Variants in ARHGAP44 observed in about 807,000 individuals in gnomAD.
ARHGAP44 encodes the protein rho GTPase-activating protein 44.
A neutral mutation model predicts 106.8 loss-of-function variants in ARHGAP44; 43 were observed. The ratio of observed to expected loss-of-function variants is 0.40; its 90% CI spans 0.32 to 0.52. The LOEUF is 0.52. Ranked by LOEUF, ARHGAP44 falls within the 20% of genes least tolerant of loss-of-function variation. The pLI, the probability that ARHGAP44 is intolerant of heterozygous loss-of-function variation, is 0.48. For missense variants in ARHGAP44, 866 were observed against 1,050.5 expected (o/e 0.82, Z 2.43); for synonymous variants, 439 against 410.3 (o/e 1.07, Z -0.85).
In ARHGAP44 at chr17:12,982,358, G is replaced by C. The variant is rs560301816; in HGVS notation, c.1939+2125G>C. On this transcript the variant is annotated intron_variant, in intron 19 of 20. Transcript: ENST00000379672. ...TGACACCTCAGTCTTCTGACAGCGT[G>C]CCGACAATTTCACATCCTATTCCTG... Among the ~76,000 whole-genome samples the C allele has an allele frequency of 2.7e-5, 4 of 150,798 alleles. 1 individual carries two copies. Among genetic ancestry groups the C allele is most frequent in the African/African-American group, 9.8e-5 (4 of 40,926 alleles).
intron 16 of ARHGAP44, among the ~76,000 whole-genome samples, chr17:12,972,476 T>C (rs545032350): frequency 8.1e-4 from 123 of 151,700 alleles, no homozygotes; most frequent in African/African-American, 2.3e-3. Flanking sequence ...GGTTAAACCC[T>C]GTCTCTACTA....
chr17:12,937,826 C>T (rs895986633), intron 7 of ARHGAP44, among the ~76,000 whole-genome samples: 5 of 152,116 alleles, frequency 3.3e-5, no homozygotes, highest in Admixed American at 2.0e-4. Flanking sequence ...ATTGGCCAGG[C>T]GTGGTGGCTC....
At chr17:12,876,307 G>T (rs2036554897) in intron 1 of ARHGAP44, among the ~76,000 whole-genome samples, 1 of 152,178 alleles carries the variant, frequency 6.6e-6, no homozygotes, top group African/African-American at 2.4e-5. Context: ...CCACAGGAAA[G>T]GCTTTTGCGG....
chr17:12,915,106 T>C (rs1371359956), intron 4 of ARHGAP44, among the ~76,000 whole-genome samples: 2 of 152,208 alleles, frequency 1.3e-5, no homozygotes, highest in Non-Finnish European at 2.9e-5. Flanking sequence ...TGGCACTATC[T>C]AGGCTCACTA....
At chr17:12,966,392 A>G (rs192140793) in intron 16 of ARHGAP44, among the ~76,000 whole-genome samples, 17 of 152,298 alleles carry the variant, frequency 1.1e-4, no homozygotes, top group Admixed American at 9.1e-4. Flanking sequence ...GCTGGGACCA[A>G]GTCTGAAATG....
chr17:12,944,714 C>A (rs1397059636), intron 10 of ARHGAP44, among the ~76,000 whole-genome samples: 2 of 150,534 alleles, frequency 1.3e-5, no homozygotes, highest in Admixed American at 1.3e-4. Context: ...TGGTCTCGAT[C>A]CCTTGACCTT....
At chr17:12,829,053 A>G (rs1301151965) in intron 1 of ARHGAP44, among the ~76,000 whole-genome samples, 2 of 152,174 alleles carry the variant, frequency 1.3e-5, no homozygotes, top group Non-Finnish European at 2.9e-5. Context: ...GTTTAGTTGC[A>G]TTAAACAAGT....
chr17:12,949,828 C>G lies in ARHGAP44; in HGVS notation c.1055+98C>G. 3 of 1,202,416 alleles carry G rather than the reference C, an allele frequency of 2.5e-6. No individual in the cohort carries two copies. The highest frequency in any genetic ancestry group is 3.6e-6 in the Non-Finnish European group (3 of 834,592). The allele number at this position is 1,202,416 out of a possible 1,614,324, so 74.5% of individuals were successfully genotyped here. A position where few individuals can be genotyped will look rare whatever the true frequency, so the allele number is the denominator to read the frequency against. On this transcript the variant is annotated intron_variant, in intron 12 of 20. Transcript: ENST00000379672. This position sits in a 1 kb window ranked among gnomAD's most constrained non-coding sequence, Gnocchi z 4.1. ...CATGTAACCTATGATCTCGCAACCC[C>G]GTTTCTTGATCTCTGCCATGAAGGA...
chr17:12,934,859 C>T (rs1032986190), intron 7 of ARHGAP44, among the ~76,000 whole-genome samples: 5 of 152,100 alleles, frequency 3.3e-5, no homozygotes, highest in South Asian at 2.1e-4. Context: ...CCTTCCTTGG[C>T]GTGTCAGGCA....
At chr17:12,955,821 T>A in intron 13 of ARHGAP44, 46 bp from the exon 14 acceptor site, 2 of 1,211,528 alleles carry the variant, frequency 1.7e-6, no homozygotes, top group Non-Finnish European at 2.4e-6. Context: ...GGGACATGGC[T>A]GGTGTTGAGC....
chr17:12,818,490 C>T (rs1392066158), intron 1 of ARHGAP44, among the ~76,000 whole-genome samples: 1 of 151,502 alleles, frequency 6.6e-6, no homozygotes, highest in Non-Finnish European at 1.5e-5. Context: ...TGCAATAAGG[C>T]AAGAAAAATA....
intron 1 of ARHGAP44, among the ~76,000 whole-genome samples, chr17:12,847,512 C>CT (rs58514182): frequency 0.016 from 2,001 of 125,460 alleles, 89 homozygotes; most frequent in East Asian, 0.067. Flanking sequence ...TACCATCACT[C>CT]TTTTTTTTTT....
chr17:12,815,080 G>A (rs530168467), intron 1 of ARHGAP44, among the ~76,000 whole-genome samples: 15 of 151,498 alleles, frequency 9.9e-5, no homozygotes, highest in Admixed American at 4.6e-4. Context: ...CTCTCTCCTG[G>A]CTTTAGAGAA....
At chr17:12,987,219 T>C (rs1166175428) in intron 20 of ARHGAP44, 2 of 1,390,894 alleles carry the variant, frequency 1.4e-6, no homozygotes, top group Non-Finnish European at 1.9e-6. Flanking sequence ...GCTCCTCCCC[T>C]CCGCTCCTCG....
rs2040157681 is a variant in ARHGAP44 at position 12,991,630 on chromosome 17, T to C, written c.*1459T>C. The C allele has an allele frequency of 5.3e-6, 1 of 187,624 alleles. No individual in the cohort carries two copies. Among genetic ancestry groups the C allele is most frequent in the Admixed American group, 6.2e-5 (1 of 16,144 alleles). The allele number at this position is 187,624 out of a possible 1,614,324, so 11.6% of individuals were successfully genotyped here. ...TCAAAAGTAACGTTATTAAAATAGA[T>C]TTATTATCCCTGAGCTTGGCATCTG... On this transcript the variant is annotated 3_prime_UTR_variant, in exon 21 of 21. Transcript: ENST00000379672.
chr17:12,977,844 C>T (rs1485931135), intron 18 of ARHGAP44, among the ~76,000 whole-genome samples: 1 of 151,930 alleles, frequency 6.6e-6, no homozygotes, highest in East Asian at 1.9e-4. Context: ...TCGAGGCCAT[C>T]CTGGCCAACA....
intron 19 of ARHGAP44, among the ~76,000 whole-genome samples, chr17:12,983,570 C>T (rs1055837494): frequency 3.9e-5 from 6 of 152,176 alleles, no homozygotes; most frequent in Non-Finnish European, 8.8e-5. Context: ...TTTGGGAGGC[C>T]GAGGCGGGCG....
At chr17:12,835,481 T>G (rs1466917926) in intron 1 of ARHGAP44, among the ~76,000 whole-genome samples, 4 of 152,200 alleles carry the variant, frequency 2.6e-5, no homozygotes, top group Non-Finnish European at 4.4e-5. Flanking sequence ...TCAGTTGCTG[T>G]TTGTCTTCTG....
At position 12,789,797 on chromosome 17, in the gene ARHGAP44, G is replaced by A. The variant is rs1462557714; in HGVS notation, c.-42G>A. 6.7e-7 allele frequency: 1 copy of A among 1,486,780 alleles called. No homozygotes were observed. The highest frequency in any genetic ancestry group is 1.3e-5 in the South Asian group (1 of 77,430). 92.1% of individuals were successfully genotyped at this position (1,486,780 alleles called of 1,614,324 possible). A position where few individuals can be genotyped will look rare whatever the true frequency, so the allele number is the denominator to read the frequency against. On this transcript the variant is annotated 5_prime_UTR_variant, in exon 1 of 21. Coordinates refer to ENST00000379672, the MANE Select transcript of ARHGAP44 (RefSeq NM_014859.6). Reference sequence around the variant, plus strand: ...CCTGCGGCGGGCTCCGGGCTGCTCCGTCCTTCCCCAGCTCCCGGGCTAGCG... The same window carrying A: ...CCTGCGGCGGGCTCCGGGCTGCTCCATCCTTCCCCAGCTCCCGGGCTAGCG...
Sources: allele counts gnomAD v4.1 joint callset (sites outside exome capture counted in the v4.1 genomes callset), GRCh38; gene constraint gnomAD v4.1.1; non-coding constraint Gnocchi (gnomAD v3.1); transcripts MANE v1.5; gene names NCBI Gene and HGNC (gene_info 2026-07-23, HGNC 2026-07-21).